PTPRT: variants seen among roughly 807,000 people sequenced by gnomAD.
PTPRT encodes protein tyrosine phosphatase receptor type T, also known as receptor-type tyrosine-protein phosphatase T.
In PTPRT, 56 loss-of-function variants were observed where a neutral mutation model predicts 176.8. That is an observed-to-expected ratio of 0.32 (90% CI 0.26 to 0.40). The LOEUF is 0.40. PTPRT is among the 10% of genes least tolerant of loss of function. PTPRT has a pLI of 1.00. For synonymous variants in PTPRT, 783 were observed against 739.0 expected, an observed-to-expected ratio of 1.06 and a Z score of -0.96; for missense variants, 1,540 against 1,908.2, an observed-to-expected ratio of 0.81 and a Z score of 3.60.
chr20:42,162,551 T>C (rs1027944901), intron 16 of PTPRT, among the ~76,000 whole-genome samples: 1 of 152,178 alleles, frequency 6.6e-6, no homozygotes, highest in Admixed American at 6.5e-5. Context: ...CAGAACCATC[T>C]AGGCTTGGTC....
chr20:42,671,072 G>A (rs2075404478), intron 7 of PTPRT, among the ~76,000 whole-genome samples: 1 of 152,044 alleles, frequency 6.6e-6, no homozygotes, highest in African/African-American at 2.4e-5. Flanking sequence ...TGCAGGAGAG[G>A]TACAGGGCCA....
At chr20:42,323,638 C>T (rs1252050907) in intron 11 of PTPRT, among the ~76,000 whole-genome samples, 1 of 152,002 alleles carries the variant, frequency 6.6e-6, no homozygotes, top group African/African-American at 2.4e-5. Context: ...GGAGGGATAG[C>T]ATTAGGAGAT....
chr20:43,032,473 T>TA (rs375146456), intron 1 of PTPRT, among the ~76,000 whole-genome samples: 34,782 of 121,444 alleles, frequency 0.29, 5,185 homozygotes, highest in African/African-American at 0.4. Flanking sequence ...ATCTTTTCAT[T>TA]AAAAAAAAAA....
At chr20:42,268,270 A>G (rs562097748) in intron 13 of PTPRT, among the ~76,000 whole-genome samples, 2 of 152,328 alleles carry the variant, frequency 1.3e-5, no homozygotes, top group South Asian at 4.1e-4. Context: ...AATGGATCAC[A>G]ATGAAATAAA....
At chr20:42,861,283 G>T (rs949155110) in intron 2 of PTPRT, among the ~76,000 whole-genome samples, 9 of 152,212 alleles carry the variant, frequency 5.9e-5, no homozygotes, top group African/African-American at 7.2e-5. Context: ...TAATTCCCTT[G>T]ATTCTGATCC....
intron 15 of PTPRT, among the ~76,000 whole-genome samples, chr20:42,219,470 G>A (rs1049718032): frequency 1.3e-5 from 2 of 152,162 alleles, no homozygotes; most frequent in African/African-American, 4.8e-5. Context: ...ATTCTTCTGT[G>A]ATAGGAGGCT....
Position 43,189,723 on chromosome 20 carries a change from A to G in PTPRT, c.11T>C (p.Leu4Pro), listed in dbSNP as rs2146499526. The change falls in exon 1 of 31, where the codon CTC becomes CCC. Residue 4 changes from leucine (L) to proline (P), a missense_variant. Physicochemically the swap from Leu to Pro is moderately conservative, Grantham distance 98. Coordinates refer to ENST00000373187, the MANE Select transcript of PTPRT (RefSeq NM_007050.6). This position sits in a 1 kb window ranked among gnomAD's most constrained non-coding sequence, Gnocchi z 5.0. ...GAGCAGGCTGAGGGCGAGCGCGGCG[A>G]GGCTCGCCATCCGGGCGGCGGCGGG... MAS[L>P]AALALSLLLR... The G allele has an allele frequency of 8.0e-7, 1 of 1,256,428 alleles. No individual in the cohort carries two copies. Among genetic ancestry groups the G allele is most frequent in the Non-Finnish European group, 1.0e-6 (1 of 1,002,676 alleles). The allele number at this position is 1,256,428 out of a possible 1,614,324, so 77.8% of individuals were successfully genotyped here. A position where few individuals can be genotyped will look rare whatever the true frequency, so the allele number is the denominator to read the frequency against.
chr20:42,534,400 G>A lies in PTPRT; in HGVS notation c.1154-61838C>T, dbSNP rs183239381. 6.0e-3 allele frequency among the ~76,000 whole-genome samples: 909 copies of A among 152,216 alleles called. 5 individuals are homozygous for A. The highest frequency in any genetic ancestry group is 0.034 in the Middle Eastern group (10 of 292). On this transcript the variant is annotated intron_variant, in intron 7 of 30. Transcript: ENST00000373187. ...TGTAATCCCAGCACTTTGGGAGGCC[G>A]AGGCGGGTGGATCATGAGGTCAAGA... is the stretch of plus-strand genomic sequence containing the variant.
intron 8 of PTPRT, among the ~76,000 whole-genome samples, chr20:42,455,781 A>G (rs756390326): frequency 2.0e-5 from 3 of 152,050 alleles, no homozygotes; most frequent in East Asian, 3.9e-4. Flanking sequence ...ATTATATTCA[A>G]TTGTTTCTGT....
chr20:42,084,773 A>AG lies in PTPRT; in HGVS notation c.4044dup (p.Ser1349LeufsTer20). 2.6e-6 allele frequency: 4 copies of AG among 1,560,146 alleles called. No individual in the cohort carries two copies. Among genetic ancestry groups the AG allele is most frequent in the Admixed American group, 1.8e-5 (1 of 56,278 alleles). On this transcript the variant is annotated frameshift_variant, in exon 29 of 31. Coordinates refer to ENST00000373187, the MANE Select transcript of PTPRT (RefSeq NM_007050.6). LOFTEE classifies it high-confidence loss of function. ...ACCACTTTGAGCAGAGAGCGCTTGG[A>AG]GGGGGGCGTGTCCCGGTAGGCAGGC...
chr20:42,707,424 T>C lies in PTPRT; in HGVS notation c.860-29265A>G, dbSNP rs184557212. Among the ~76,000 whole-genome samples the C allele has an allele frequency of 9.1e-4, 139 of 152,190 alleles. 3 individuals carry two copies. Among genetic ancestry groups the C allele is most frequent in the Admixed American group, 8.9e-3 (136 of 15,288 alleles). On this transcript the variant is annotated intron_variant, in intron 6 of 30. Transcript: ENST00000373187. ...GAGATTATTCTGAGTAGATCTGACA[T>C]AGTAAGGTGAACTCTTAAAAAAGAT...
At chr20:42,621,681 C>T (rs7362883) in intron 7 of PTPRT, among the ~76,000 whole-genome samples, 31,490 of 151,960 alleles carry the variant, frequency 0.21, 4,519 homozygotes, top group African/African-American at 0.41. Flanking sequence ...CATTTCTTGG[C>T]ATTGTTTTCA....
At chr20:42,197,815 G>A (rs1991293068) in intron 16 of PTPRT, among the ~76,000 whole-genome samples, 1 of 152,130 alleles carries the variant, frequency 6.6e-6, no homozygotes, top group South Asian at 2.1e-4. Flanking sequence ...AGCAGTTGGT[G>A]AATCTAGGTA....
chr20:42,102,386 C>G, intron 25 of PTPRT, 89 bp from the exon 26 acceptor site: 1 of 1,398,132 alleles, frequency 7.2e-7, no homozygotes, highest in Non-Finnish European at 9.8e-7. Flanking sequence ...CAGCCTAACT[C>G]GCCTATTTCC....
At chr20:43,095,186 G>T (rs1369222303) in intron 1 of PTPRT, among the ~76,000 whole-genome samples, 1 of 152,052 alleles carries the variant, frequency 6.6e-6, no homozygotes, top group African/African-American at 2.4e-5. Flanking sequence ...AGCTGGGTTG[G>T]TGCACCCCAG....
intron 16 of PTPRT, among the ~76,000 whole-genome samples, chr20:42,188,052 C>A (rs1990850273): frequency 6.6e-6 from 1 of 152,204 alleles, no homozygotes; most frequent in Non-Finnish European, 1.5e-5. Context: ...CTCCAGGCCC[C>A]AGAGTCCACT....
chr20:42,358,731 C>T (rs1396895015), intron 9 of PTPRT, among the ~76,000 whole-genome samples: 3 of 152,180 alleles, frequency 2.0e-5, no homozygotes, highest in African/African-American at 4.8e-5. Context: ...GCCCCCTGTA[C>T]TTCAGTGAGC....
intron 1 of PTPRT, among the ~76,000 whole-genome samples, chr20:42,993,009 A>C (rs1392186373): frequency 1.3e-5 from 2 of 152,194 alleles, no homozygotes; most frequent in Admixed American, 1.3e-4. Flanking sequence ...TAGCCTTGGA[A>C]GCCACACAGC....
At chr20:42,924,329 T>G (rs1290125596) in intron 1 of PTPRT, among the ~76,000 whole-genome samples, 1 of 152,170 alleles carries the variant, frequency 6.6e-6, no homozygotes, top group Non-Finnish European at 1.5e-5. Context: ...GGCCATGGCA[T>G]TTGTGTGTAA....
Sources: gnomAD v4.1 joint callset for allele counts (sites outside exome capture counted in the v4.1 genomes callset) on GRCh38, gnomAD v4.1.1 for gene constraint, Gnocchi (gnomAD v3.1) non-coding constraint, MANE v1.5 for transcripts, NCBI Gene and HGNC (gene_info 2026-07-23, HGNC 2026-07-21) for gene names.